ORC3: variants seen among roughly 807,000 people sequenced by gnomAD.
ORC3 encodes origin recognition complex subunit 3.
A neutral mutation model predicts 100.7 loss-of-function variants in ORC3; 78 were observed. The observed-to-expected ratio is 0.77, with a 90% CI of 0.65 to 0.94. The LOEUF (loss-of-function observed/expected upper bound fraction) is 0.94. ORC3 is among the 40% of genes least tolerant of loss of function. The pLI is 0.00. For synonymous variants in ORC3, 295 were observed against 289.3 expected (o/e 1.02, Z -0.20); for missense variants, 789 against 823.9 (o/e 0.96, Z 0.52).
chr6:87,638,017 G>A (rs530951324), intron 13 of ORC3, among the ~76,000 whole-genome samples: 1 of 152,288 alleles, frequency 6.6e-6, no homozygotes, highest in East Asian at 1.9e-4. Context: ...GAGGGAACCA[G>A]GATTCTACTC....
At chr6:87,659,476 A>G (rs369759606) in intron 16 of ORC3, among the ~76,000 whole-genome samples, 13 of 152,286 alleles carry the variant, frequency 8.5e-5, no homozygotes, top group African/African-American at 3.1e-4. Context: ...TTTCTGACAA[A>G]TTACATGTCT....
intron 13 of ORC3, among the ~76,000 whole-genome samples, chr6:87,643,658 G>C (rs1422333601): frequency 1.3e-5 from 2 of 152,058 alleles, no homozygotes; most frequent in African/African-American, 2.4e-5. Flanking sequence ...TCACTTTTCT[G>C]TTAGCAAAAT....
In ORC3 at chr6:87,634,936, T is replaced by G; in HGVS notation, c.1277T>G (p.Leu426Arg). ...LRCLHKFTSSLPKYPLGRQIR... is the reference protein window; with the variant it reads ...LRCLHKFTSSRPKYPLGRQIR... ...TGTCTTCATAAGTTCACCTCTTCTC[T>G]TCCCAAGTATCCACTAGGTCGACAG... Residue 426 changes from leucine to arginine, a missense_variant, in exon 12 of 20, where the codon CTT becomes CGT. By Grantham distance (102) the Leu-to-Arg change is moderately radical. Around this residue, in one of 3 missense-constraint regions of ORC3, gnomAD observed 366 missense variants for 394.2 expected, o/e 0.93. Transcript: ENST00000392844. The G allele has an allele frequency of 1.3e-6, 2 of 1,581,214 alleles. No individual in the cohort carries two copies. Among genetic ancestry groups the G allele is most frequent in the Non-Finnish European group, 1.7e-6 (2 of 1,150,162 alleles).
intron 2 of ORC3, among the ~76,000 whole-genome samples, chr6:87,598,997 C>G (rs1777677372): frequency 1.3e-5 from 2 of 152,188 alleles, no homozygotes; most frequent in Admixed American, 6.5e-5. Context: ...CTGGCAGCAG[C>G]ACTGGCACTG....
intron 1 of ORC3, 54 bp from the exon 2 acceptor site, chr6:87,594,298 AT>A: frequency 7.6e-7 from 1 of 1,316,784 alleles, no homozygotes; most frequent in Non-Finnish European, 1.1e-6. Context: ...GGTTAATCAG[AT>A]TTCTCTGCTC....
At chr6:87,626,514 G>T (rs1029014104) in intron 11 of ORC3, among the ~76,000 whole-genome samples, 2 of 152,160 alleles carry the variant, frequency 1.3e-5, no homozygotes, top group African/African-American at 4.8e-5. Context: ...GGCTGGGTGT[G>T]GTGGCCCATG....
chr6:87,640,154 T>G (rs1474674231), intron 13 of ORC3, among the ~76,000 whole-genome samples: 1 of 152,192 alleles, frequency 6.6e-6, no homozygotes, highest in Non-Finnish European at 1.5e-5. Context: ...CAGCCTCTAG[T>G]GTATTTCACA....
intron 11 of ORC3, 79 bp downstream of exon 11, chr6:87,622,092 T>C: frequency 2.2e-6 from 2 of 907,984 alleles, no homozygotes; most frequent in Non-Finnish European, 3.5e-6. Context: ...TTTATTGAGT[T>C]AATAAAACAT....
chr6:87,609,992 T>C (rs1426014032), intron 7 of ORC3, among the ~76,000 whole-genome samples: 1 of 152,190 alleles, frequency 6.6e-6, no homozygotes, highest in East Asian at 1.9e-4. Context: ...TGAGAAACTA[T>C]TTTCACGATT....
At chr6:87,664,956 C>G in intron 18 of ORC3, 97 bp downstream of exon 18, 1 of 722,798 alleles carries the variant, frequency 1.4e-6, no homozygotes, top group Non-Finnish European at 2.3e-6. Flanking sequence ...TGGAATTTAT[C>G]TTGTGTTTAA....
chr6:87,602,901 T>C (rs1030422812), intron 3 of ORC3, among the ~76,000 whole-genome samples: 3 of 91,168 alleles, frequency 3.3e-5, no homozygotes, highest in Non-Finnish European at 6.1e-5. Context: ...ATATCATATA[T>C]ATATTATATA....
the ORC3 span, among the ~76,000 whole-genome samples, chr6:87,676,596 A>AACACATGCACGCGCGCACACAC: frequency 7.0e-6 from 1 of 142,046 alleles, no homozygotes; most frequent in African/African-American, 2.7e-5. Context: ...CTCTACTAAA[A>AACACATGCACGCGCGCACACAC]ACACACACAC....
chr6:87,599,202 A>G (rs1194322809), intron 2 of ORC3, among the ~76,000 whole-genome samples: 2 of 152,034 alleles, frequency 1.3e-5, no homozygotes, highest in Non-Finnish European at 2.9e-5. Context: ...GAGGTTTTTC[A>G]TGTGTATTTT....
intron 13 of ORC3, among the ~76,000 whole-genome samples, chr6:87,650,689 A>G (rs946256741): frequency 6.6e-6 from 1 of 152,040 alleles, no homozygotes; most frequent in African/African-American, 2.4e-5. Flanking sequence ...CTGCTCTGGG[A>G]GCAAAACATA....
At chr6:87,613,971 C>T (rs902296416) in intron 8 of ORC3, among the ~76,000 whole-genome samples, 1 of 151,960 alleles carries the variant, frequency 6.6e-6, no homozygotes, top group Admixed American at 6.6e-5. Context: ...GATGGTAGCC[C>T]TTTTCTCACA....
intron 11 of ORC3, among the ~76,000 whole-genome samples, chr6:87,634,394 T>A (rs143835955): frequency 3.3e-5 from 5 of 152,338 alleles, no homozygotes; most frequent in African/African-American, 1.2e-4. Context: ...AGGAAAAGTA[T>A]GCAACATAAG....
the ORC3 span, chr6:87,677,804 AAC>A: frequency 6.2e-7 from 1 of 1,610,988 alleles, no homozygotes; most frequent in South Asian, 1.1e-5. Flanking sequence ...AACTCTAATA[AAC>A]ACACCTCATA....
At chr6:87,611,680 G>A (rs935931900) in intron 7 of ORC3, among the ~76,000 whole-genome samples, 1 of 151,960 alleles carries the variant, frequency 6.6e-6, no homozygotes, top group Non-Finnish European at 1.5e-5. Context: ...TACTCGGGAG[G>A]CTGAGGCAGG....
intron 13 of ORC3, among the ~76,000 whole-genome samples, chr6:87,638,583 C>G (rs1305434747): frequency 2.0e-5 from 3 of 152,110 alleles, no homozygotes; most frequent in African/African-American, 7.2e-5. Flanking sequence ...GATTGAGCAT[C>G]TCTAATCTGA....
Sources: allele counts gnomAD v4.1 joint callset (sites outside exome capture counted in the v4.1 genomes callset), GRCh38; gene constraint gnomAD v4.1.1; regional missense constraint gnomAD v4.1.1; transcripts MANE v1.5; gene names NCBI Gene and HGNC (gene_info 2026-07-23, HGNC 2026-07-21).